ZFHX2: variants seen among roughly 807,000 people sequenced by gnomAD.
ZFHX2 encodes the protein zinc finger homeobox 2, also known as zinc finger homeobox protein 2.
A neutral mutation model predicts 164.8 loss-of-function variants in ZFHX2; 75 were observed. The observed-to-expected ratio is 0.46, with a 90% confidence interval of 0.38 to 0.55. The LOEUF is 0.55. Ranked by LOEUF, ZFHX2 falls within the 20% of genes least tolerant of loss-of-function variation. The pLI is 0.00. For missense variants in ZFHX2, 2,933 were observed against 3,308.0 expected (o/e 0.89, Z 2.78); for synonymous variants, 1,217 against 1,351.4 (o/e 0.90, Z 2.18).
rs556807652 is a variant in ZFHX2, at chr14:23,533,033, C to T, written c.2093G>A (p.Gly698Asp). 1.7e-4 allele frequency: 254 copies of T among 1,535,392 alleles called. No homozygotes were observed. The highest frequency in any genetic ancestry group is 2.0e-4 in the Non-Finnish European group (233 of 1,146,494). ...DAHLPPSQLL[G>D]SSSDSLPTSP... ...GGTGGGCAGGCTGTCAGATGAGGAA[C>T]CCAGGAGCTGACTTGGAGGCAGGTG... The change falls in exon 3 of 10, where the codon GGT becomes GAT. Residue 698 changes from glycine to aspartate, a missense_variant. Transcript: ENST00000419474. The surrounding 1 kb of genome is among the most constrained non-coding windows in gnomAD (Gnocchi z 4.8).
chr14:23,530,216 T>G (rs1323961836), intron 4 of ZFHX2, 22 bp from the exon 5 acceptor site: 40 of 1,504,876 alleles, frequency 2.7e-5, no homozygotes, highest in Non-Finnish European at 3.5e-5. Flanking sequence ...GGGGGGAGAG[T>G]CAGCTTAAAG....
Position 23,533,846 on chromosome 14 carries a change from G to A in ZFHX2, c.1480C>T (p.Arg494Cys), listed in dbSNP as rs1360110245. ...SYCSAGGAHPRLARGESYNCG... is the reference protein window; with the variant it reads ...SYCSAGGAHPCLARGESYNCG... ...TTGTAGCTCTCTCCACGAGCAAGGC[G>A]GGGGTGGGCGCCCCCAGCACTGCAG... Residue 494 changes from arginine to cysteine, a missense_variant, in exon 2 of 10, where the codon CGC becomes TGC. Transcript: ENST00000419474. This position sits in a 1 kb window ranked among gnomAD's most constrained non-coding sequence, Gnocchi z 4.8. 17 of 1,539,334 alleles carry A rather than the reference G, an allele frequency of 1.1e-5. No homozygotes were observed. The highest frequency in any genetic ancestry group is 2.4e-5 in the East Asian group (1 of 41,026).
chr14:23,530,417 T>C, intron 4 of ZFHX2: 3 of 673,500 alleles, frequency 4.5e-6, no homozygotes, highest in Non-Finnish European at 8.0e-6. Context: ...GATCATTTTA[T>C]TAAGAGTCCA....
At position 23,524,030 on chromosome 14, in the gene ZFHX2, G is replaced by T; in HGVS notation, c.5912C>A (p.Ala1971Asp). The T allele has an allele frequency of 6.6e-7, 1 of 1,514,772 alleles. No homozygotes were observed. Among genetic ancestry groups the T allele is most frequent in the South Asian group, 1.2e-5 (1 of 80,866 alleles). 93.8% of individuals were successfully genotyped at this position (1,514,772 alleles called of 1,614,324 possible). A position where few individuals can be genotyped will look rare whatever the true frequency, so the allele number is the denominator to read the frequency against. Residue 1971 changes from alanine to aspartate, a missense_variant, in exon 9 of 10, where the codon GCC (alanine) becomes GAC (aspartate). Transcript: ENST00000419474. This position sits in a 1 kb window ranked among gnomAD's most constrained non-coding sequence, Gnocchi z 5.6. ...REAPAFPYPTATLASGPQPFL... is the reference protein window; with the variant it reads ...REAPAFPYPTDTLASGPQPFL... ...AGGCTGGGGCCCAGAAGCAAGCGTG[G>T]CAGTGGGGTAGGGAAAAGCAGGTGC...
At chr14:23,541,978 G>C (rs1005447818) in intron 1 of ZFHX2, among the ~76,000 whole-genome samples, 1 of 152,176 alleles carries the variant, frequency 6.6e-6, no homozygotes, top group African/African-American at 2.4e-5. Flanking sequence ...CCAAAAGAGA[G>C]AGAAAGAACG....
chr14:23,527,730 A>G lies in ZFHX2; in HGVS notation c.3009T>C (p.His1003=). ...GGCATCTGTACTTGGGCTGCACTGC[A>G]TGCTGGGAGAGTGTATGAGCCCTCA... ...SQVRAHTLSQ[H]AVQPKYRCPL... is the part of the protein sequence containing the mutation. Residue 1003 remains histidine, a synonymous_variant, in exon 7 of 10, where the codon CAT becomes CAC. Coordinates refer to ENST00000419474, the MANE Select transcript of ZFHX2 (RefSeq NM_033400.3). 1 of 1,536,152 alleles carries G rather than the reference A, an allele frequency of 6.5e-7. No homozygotes were observed. Among genetic ancestry groups the G allele is most frequent in the Non-Finnish European group, 8.7e-7 (1 of 1,146,914 alleles).
chr14:23,525,514 AC>A lies in ZFHX2; in HGVS notation c.4427del (p.Gly1476ValfsTer37), dbSNP rs1566575630. The A allele has an allele frequency of 6.5e-7, 1 of 1,535,112 alleles. No homozygotes were observed. Among genetic ancestry groups the A allele is most frequent in the Non-Finnish European group, 8.7e-7 (1 of 1,146,846 alleles). On this transcript the variant is annotated frameshift_variant, in exon 9 of 10. Coordinates refer to ENST00000419474, the MANE Select transcript of ZFHX2 (RefSeq NM_033400.3). LOFTEE classifies it high-confidence loss of function. This position sits in a 1 kb window ranked among gnomAD's most constrained non-coding sequence, Gnocchi z 5.9. ...PTPPPPEALG[G>X]GDKLACGACG... ...AGGCCCCACAGGCCAGCTTGTCCCCACCCCCGAGGGCCTCAGGTGGGGGTGG... is the reference window on the plus strand; with the variant it reads ...AGGCCCCACAGGCCAGCTTGTCCCCACCCCGAGGGCCTCAGGTGGGGGTGG...
chr14:23,534,653 T>C lies in ZFHX2; in HGVS notation c.673A>G (p.Met225Val), dbSNP rs1566586853. The C allele has an allele frequency of 6.5e-7, 1 of 1,536,146 alleles. No individual in the cohort carries two copies. Among genetic ancestry groups the C allele is most frequent in the East Asian group, 2.4e-5 (1 of 40,910 alleles). The change falls in exon 2 of 10, where the codon ATG becomes GTG. Residue 225 changes from methionine (M) to valine (V), a missense_variant. Physicochemically the swap from Met to Val is conservative, Grantham distance 21. Transcript: ENST00000419474. This position sits in a 1 kb window ranked among gnomAD's most constrained non-coding sequence, Gnocchi z 4.5. Reference protein sequence around the residue: ...NPPGDPKDGPMGNSGGNHVAV... With the variant: ...NPPGDPKDGPVGNSGGNHVAV... ...ACGTGGTTGCCCCCGCTGTTCCCCA[T>C]GGGGCCATCTTTGGGATCTCCGGGT... is the stretch of plus-strand genomic sequence containing the variant.
upstream of ZFHX2, among the ~76,000 whole-genome samples, chr14:23,551,853 C>A (rs1881986266): frequency 6.6e-6 from 1 of 152,074 alleles, no homozygotes; most frequent in South Asian, 2.1e-4. The surrounding 1 kb of genome is among the most constrained non-coding windows in gnomAD (Gnocchi z 5.3). Flanking sequence ...GTAGTCTGTT[C>A]GCGCCCGCCC....
chr14:23,527,462 C>T, intron 7 of ZFHX2, 142 bp downstream of exon 7: 3 of 1,132,094 alleles, frequency 2.6e-6, no homozygotes, highest in Non-Finnish European at 3.8e-6. Flanking sequence ...TCGGACCGTC[C>T]TCACCCAGCC....
rs1879776068 is a variant in ZFHX2, at chr14:23,533,197, C to T, written c.2041+88G>A. Reference sequence around the variant, plus strand: ...AGTGCTCAGAGGGACTTATGGTTACCTAAGTGGGGAGTTGGTCCTTGGGAG... The same window carrying T: ...AGTGCTCAGAGGGACTTATGGTTACTTAAGTGGGGAGTTGGTCCTTGGGAG... On this transcript the variant is annotated intron_variant, in intron 2 of 9. Transcript: ENST00000419474. The surrounding 1 kb of genome is among the most constrained non-coding windows in gnomAD (Gnocchi z 4.8). 2.1e-6 allele frequency: 3 copies of T among 1,435,270 alleles called. No homozygotes were observed. The highest frequency in any genetic ancestry group is 2.7e-6 in the Non-Finnish European group (3 of 1,098,740). The allele number at this position is 1,435,270 out of a possible 1,614,324, so 88.9% of individuals were successfully genotyped here. A position where few individuals can be genotyped will look rare whatever the true frequency, so the allele number is the denominator to read the frequency against.
chr14:23,534,124 G>C lies in ZFHX2; in HGVS notation c.1202C>G (p.Thr401Ser). 3 of 1,482,458 alleles carry C rather than the reference G, an allele frequency of 2.0e-6. No homozygotes were observed. The highest frequency in any genetic ancestry group is 2.7e-6 in the Non-Finnish European group (3 of 1,119,640). 91.8% of individuals were successfully genotyped at this position (1,482,458 alleles called of 1,614,324 possible). The change falls in exon 2 of 10, where the codon ACT becomes AGT. Residue 401 changes from threonine to serine, a missense_variant. Thr to Ser is a moderately conservative substitution (Grantham distance 58). Coordinates refer to ENST00000419474, the MANE Select transcript of ZFHX2 (RefSeq NM_033400.3). The surrounding 1 kb of genome is among the most constrained non-coding windows in gnomAD (Gnocchi z 4.5). Reference protein sequence around the residue: ...QSSPTSKEGGTLPAPVGSPED... With the variant: ...QSSPTSKEGGSLPAPVGSPED... ...GGGGGAGCCCACTGGGGCAGGGAGA[G>C]TGCCCCCCTCCTTGGAGGTGGGTGA... is the stretch of plus-strand genomic sequence containing the variant.
In ZFHX2 at chr14:23,524,891, T is replaced by C; in HGVS notation, c.5051A>G (p.Glu1684Gly). ...GCACTTCTTGAGGTGGCGCACCAAC[T>C]CAAAAACACAGGAGAAAGTGGCGTG... The part of the protein sequence containing the change: ...RCHATFSCVF[E>G]LVRHLKKCYD... The change falls in exon 9 of 10, where the codon GAG becomes GGG. Residue 1684 changes from glutamate (E) to glycine (G), a missense_variant. Coordinates refer to ENST00000419474, the MANE Select transcript of ZFHX2 (RefSeq NM_033400.3). The surrounding 1 kb of genome is among the most constrained non-coding windows in gnomAD (Gnocchi z 5.6). The C allele has an allele frequency of 6.5e-7, 1 of 1,536,274 alleles. No homozygotes were observed. The highest frequency in any genetic ancestry group is 8.7e-7 in the Non-Finnish European group (1 of 1,146,920).
intron 1 of ZFHX2, among the ~76,000 whole-genome samples, chr14:23,547,335 T>G (rs1372227585): frequency 6.6e-6 from 1 of 152,250 alleles, no homozygotes; most frequent in Non-Finnish European, 1.5e-5. Context: ...ATTTATGAAC[T>G]CCTTATTTGC....
chr14:23,549,749 A>G (rs1013207604), intron 1 of ZFHX2, among the ~76,000 whole-genome samples: 1 of 152,156 alleles, frequency 6.6e-6, no homozygotes, highest in African/African-American at 2.4e-5. Flanking sequence ...TGACTGATGG[A>G]GGGGTTATAT....
In ZFHX2 at chr14:23,546,942, C is replaced by G. The variant is rs2138908456; in HGVS notation, c.-50+4401G>C. On this transcript the variant is annotated intron_variant, in intron 1 of 9. Coordinates refer to ENST00000419474, the MANE Select transcript of ZFHX2 (RefSeq NM_033400.3). This position sits in a 1 kb window ranked among gnomAD's most constrained non-coding sequence, Gnocchi z 4.7. Reference sequence around the variant, plus strand: ...TATAGCCAGACTGTCCTCCAGCACTCCCAGCTCTCTCCCCTGTCTTCTTTT... The same window carrying G: ...TATAGCCAGACTGTCCTCCAGCACTGCCAGCTCTCTCCCCTGTCTTCTTTT... 6.6e-6 allele frequency among the ~76,000 whole-genome samples: 1 copy of G among 152,322 alleles called. No individual in the cohort carries two copies. The highest frequency in any genetic ancestry group is 2.4e-5 in the African/African-American group (1 of 41,574).
rs180942225 is a variant in ZFHX2, at chr14:23,527,747, G to A, written c.2992C>T (p.His998Tyr). The A allele has an allele frequency of 2.4e-5, 37 of 1,536,128 alleles. No homozygotes were observed. In the Admixed American group the frequency reaches 4.9e-4, roughly 20 times the overall value. Residue 998 changes from histidine to tyrosine, a missense_variant, in exon 7 of 10, where the codon CAT becomes TAT. Transcript: ENST00000419474. The stretch of plus-strand genomic sequence containing the variant: ...TGCACTGCATGCTGGGAGAGTGTAT[G>A]AGCCCTCACCTGGCTGGACTCTGGG... ...LSPESSQVRA[H>Y]TLSQHAVQPK...
At chr14:23,542,027 T>G (rs1252749230) in intron 1 of ZFHX2, 3 of 152,044 alleles carry the variant, frequency 2.0e-5, no homozygotes, top group African/African-American at 7.3e-5. Context: ...AAAGGAGTGT[T>G]GTAAAGGGCA....
intron 3 of ZFHX2, 155 bp from the exon 4 acceptor site, chr14:23,531,876 C>T (rs1023226098): frequency 9.2e-5 from 93 of 1,016,336 alleles, no homozygotes; most frequent in Non-Finnish European, 1.1e-4. Context: ...CTCCTGGGTT[C>T]AGTGATTCTC....
Sources: allele counts gnomAD v4.1 joint callset (sites outside exome capture counted in the v4.1 genomes callset), GRCh38; gene constraint gnomAD v4.1.1; non-coding constraint Gnocchi (gnomAD v3.1); transcripts MANE v1.5; gene names NCBI Gene and HGNC (gene_info 2026-07-23, HGNC 2026-07-21).